The following PARD3 variants were observed in gnomAD, a reference collection of about 807,000 sequenced individuals.
PARD3 encodes the protein par-3 family cell polarity regulator.
In PARD3, 75 loss-of-function variants were observed where a neutral mutation model predicts 155.4. The ratio of observed to expected loss-of-function variants is 0.48; its 90% CI spans 0.40 to 0.58. The LOEUF (loss-of-function observed/expected upper bound fraction) is 0.58, where lower values mean the gene tolerates loss of function less well. Among genes scored for constraint, PARD3 ranks in the 20% least tolerant of loss-of-function variants. The pLI is 0.00. For synonymous variants in PARD3, 576 were observed against 610.5 expected (o/e 0.94, Z 0.83); for missense variants, 1,642 against 1,721.7 (o/e 0.95, Z 0.82).
chr10:34,640,291 A>G (rs1416217312), intron 2 of PARD3, among the ~76,000 whole-genome samples: 1 of 152,162 alleles, frequency 6.6e-6, no homozygotes, highest in Non-Finnish European at 1.5e-5. Context: ...ATACTCAGTG[A>G]AGCTGGAACT....
At chr10:34,123,022 C>T (rs192818987) in intron 23 of PARD3, among the ~76,000 whole-genome samples, 2 of 152,306 alleles carry the variant, frequency 1.3e-5, no homozygotes, top group East Asian at 1.9e-4. Flanking sequence ...GAAATACCTG[C>T]GCAGGCATAA....
At chr10:34,408,556 T>C (rs529661939) in intron 5 of PARD3, among the ~76,000 whole-genome samples, 39 of 152,256 alleles carry the variant, frequency 2.6e-4, no homozygotes, top group Non-Finnish European at 4.6e-4. Flanking sequence ...GTATCACAAA[T>C]AGGATTGCAG....
intron 18 of PARD3, among the ~76,000 whole-genome samples, chr10:34,331,710 C>T (rs1213058092): frequency 1.3e-5 from 2 of 151,826 alleles, no homozygotes; most frequent in African/African-American, 4.8e-5. Context: ...GAGGAGAAGG[C>T]TAAGGTCAAC....
intron 20 of PARD3, among the ~76,000 whole-genome samples, chr10:34,310,443 GA>G (rs2134083264): frequency 6.6e-6 from 1 of 152,288 alleles, no homozygotes; most frequent in African/African-American, 2.4e-5. Flanking sequence ...TTTCTTTTGC[GA>G]AAAGGTTTGC....
At chr10:34,410,665 A>G (rs1844955084) in intron 5 of PARD3, among the ~76,000 whole-genome samples, 1 of 152,092 alleles carries the variant, frequency 6.6e-6, no homozygotes, top group African/African-American at 2.4e-5. Context: ...CACAACTTTT[A>G]TTTTCTGTGT....
intron 1 of PARD3, among the ~76,000 whole-genome samples, chr10:34,720,762 A>G (rs1304675038): frequency 6.6e-6 from 1 of 151,838 alleles, no homozygotes; most frequent in East Asian, 1.9e-4. Context: ...GCGCCATTGC[A>G]CTCCAGCCTG....
chr10:34,381,799 G>T (rs1841854932), intron 9 of PARD3, among the ~76,000 whole-genome samples: 1 of 151,424 alleles, frequency 6.6e-6, no homozygotes, highest in Non-Finnish European at 1.5e-5. Flanking sequence ...GGGCATGGCG[G>T]CATGTGCCTC....
At chr10:34,744,504 C>A (rs941457615) in intron 1 of PARD3, among the ~76,000 whole-genome samples, 1 of 152,212 alleles carries the variant, frequency 6.6e-6, no homozygotes, top group Non-Finnish European at 1.5e-5. Context: ...ATTTTTACAC[C>A]TGCTAATGCC....
At chr10:34,370,396 G>C (rs997258179) in intron 12 of PARD3, among the ~76,000 whole-genome samples, 1 of 152,026 alleles carries the variant, frequency 6.6e-6, no homozygotes, top group Admixed American at 6.6e-5. Context: ...ATTCACAGCC[G>C]ATCATCAGTT....
intron 2 of PARD3, among the ~76,000 whole-genome samples, chr10:34,654,276 A>G (rs1451392200): frequency 6.6e-6 from 1 of 152,210 alleles, no homozygotes; most frequent in Admixed American, 6.5e-5. Context: ...AATAGCTAAC[A>G]TGTATAAGGT....
At chr10:34,564,075 C>T (rs2085728232) in intron 2 of PARD3, among the ~76,000 whole-genome samples, 1 of 152,150 alleles carries the variant, frequency 6.6e-6, no homozygotes, top group Non-Finnish European at 1.5e-5. Flanking sequence ...GATCACATAC[C>T]TGCTAGCAGT....
rs1029767685 is a variant in PARD3, at chr10:34,115,712, CT to C, written c.3668+3900del. On this transcript the variant is annotated intron_variant, in intron 24 of 24. Transcript: ENST00000374788. ...TAAACTGTCAATTTATAATTTTTTT[CT>C]TTTTTTTTTTTTTCTTTGAGACGGA... Among the ~76,000 whole-genome samples the C allele has an allele frequency of 3.3e-3, 470 of 141,436 alleles. 2 individuals are homozygous for C. Among genetic ancestry groups the C allele is most frequent in the African/African-American group, 6.1e-3 (235 of 38,710 alleles). The allele number at this position is 141,436 out of a possible 152,430, so 92.8% of individuals were successfully genotyped here.
At chr10:34,113,405 A>G (rs1483831115) in intron 24 of PARD3, among the ~76,000 whole-genome samples, 2 of 152,080 alleles carry the variant, frequency 1.3e-5, no homozygotes, top group Non-Finnish European at 1.5e-5. Context: ...TGTAGCTAAA[A>G]TTTTCTTCAA....
chr10:34,317,361 T>C (rs778869042), intron 19 of PARD3, 23 bp from the exon 20 acceptor site: 5 of 1,576,794 alleles, frequency 3.2e-6, no homozygotes, highest in Non-Finnish European at 4.3e-6. Context: ...GAAAAAAAAA[T>C]AGGGACACAG....
chr10:34,599,924 A>C (rs988066500), intron 2 of PARD3, among the ~76,000 whole-genome samples: 3 of 152,206 alleles, frequency 2.0e-5, no homozygotes, highest in Non-Finnish European at 4.4e-5. Context: ...AAAGAAGCCT[A>C]CATTTGTCAA....
intron 22 of PARD3, among the ~76,000 whole-genome samples, chr10:34,198,261 G>C (rs986683699): frequency 3.3e-5 from 5 of 151,730 alleles, no homozygotes; most frequent in African/African-American, 1.2e-4. Flanking sequence ...TTAAAAAGAA[G>C]ATAAAAATCA....
chr10:34,705,608 G>A (rs1000983087), intron 1 of PARD3, among the ~76,000 whole-genome samples: 3 of 152,110 alleles, frequency 2.0e-5, no homozygotes, highest in Non-Finnish European at 2.9e-5. Context: ...TCAATACAGG[G>A]AGAAGACAGA....
At chr10:34,259,825 TGA>T (rs1415224517) in intron 22 of PARD3, among the ~76,000 whole-genome samples, 1 of 152,186 alleles carries the variant, frequency 6.6e-6, no homozygotes, top group Non-Finnish European at 1.5e-5. Context: ...TTTTTCTTTT[TGA>T]GAGACAGAAT....
chr10:34,272,216 T>C (rs537314940), intron 21 of PARD3, among the ~76,000 whole-genome samples: 1 of 152,072 alleles, frequency 6.6e-6, no homozygotes, highest in African/African-American at 2.4e-5. Flanking sequence ...TAAGAAAAAA[T>C]GTAAGGGATT....
Sources: gnomAD v4.1 joint callset for allele counts (sites outside exome capture counted in the v4.1 genomes callset) on GRCh38, gnomAD v4.1.1 for gene constraint, MANE v1.5 for transcripts, NCBI Gene and HGNC (gene_info 2026-07-23, HGNC 2026-07-21) for gene names.